Variants in KANK1 observed in about 807,000 individuals in gnomAD.
KANK1 encodes KN motif and ankyrin repeat domain-containing protein 1.
Under a neutral mutation model 106.2 loss-of-function variants are expected in KANK1, and 109 were observed. That is an observed-to-expected ratio of 1.03 (90% confidence interval 0.88 to 1.20). The LOEUF (loss-of-function observed/expected upper bound fraction) is 1.20, where lower values mean the gene tolerates loss of function less well. KANK1 is among the 50% of genes most tolerant of loss of function. The pLI, the probability that KANK1 is intolerant of heterozygous loss-of-function variation, is 0.00. For missense variants in KANK1, 2,399 were observed against 1,710.7 expected (o/e 1.40, Z -7.10); for synonymous variants, 873 against 652.2 (o/e 1.34, Z -5.16).
intron 1 of KANK1, among the ~76,000 whole-genome samples, chr9:516,948 T>C (rs965597693): frequency 1.3e-5 from 2 of 150,988 alleles, no homozygotes; most frequent in African/African-American, 4.9e-5. Context: ...TGGCCCCAGA[T>C]GCCCTGCCAG....
At chr9:651,924 A>G (rs189843671) in intron 1 of KANK1, among the ~76,000 whole-genome samples, 40 of 152,366 alleles carry the variant, frequency 2.6e-4, no homozygotes, top group Middle Eastern at 6.8e-3. Flanking sequence ...ATTAAAATTA[A>G]TAGTATACTG....
At chr9:527,362 C>T (rs558978541) in intron 1 of KANK1, among the ~76,000 whole-genome samples, 19 of 151,802 alleles carry the variant, frequency 1.3e-4, no homozygotes, top group South Asian at 2.1e-4. Flanking sequence ...AGTGCAGTGG[C>T]GCGATCTTGG....
chr9:626,681 T>C (rs528091405), intron 1 of KANK1, among the ~76,000 whole-genome samples: 3 of 152,038 alleles, frequency 2.0e-5, no homozygotes, highest in Non-Finnish European at 4.4e-5. Flanking sequence ...TTGCTGAAAA[T>C]AGAAAAGGAG....
chr9:660,131 G>A (rs1842972644), intron 1 of KANK1: 1 of 391,708 alleles, frequency 2.6e-6, no homozygotes, highest in Admixed American at 2.9e-5. Flanking sequence ...TACTGTCCAA[G>A]GGACTGCTGA....
intron 1 of KANK1, among the ~76,000 whole-genome samples, chr9:529,420 T>C (rs923392066): frequency 4.0e-5 from 6 of 149,926 alleles, no homozygotes; most frequent in Admixed American, 1.3e-4. Flanking sequence ...AGGATGGTGT[T>C]GATCTCTCGA....
At chr9:508,048 G>C (rs537089932) in intron 1 of KANK1, among the ~76,000 whole-genome samples, 5 of 148,422 alleles carry the variant, frequency 3.4e-5, no homozygotes, top group East Asian at 4.0e-4. Flanking sequence ...TCTTGAACTC[G>C]TGACGTCAGG....
intron 1 of KANK1, among the ~76,000 whole-genome samples, chr9:644,303 A>T (rs546981775): frequency 4.6e-5 from 7 of 151,140 alleles, no homozygotes; most frequent in Non-Finnish European, 1.0e-4. Flanking sequence ...TTCAGTCAAG[A>T]TGGTGACTAC....
At chr9:701,095 A>G (rs116399908) in intron 2 of KANK1, among the ~76,000 whole-genome samples, 2,171 of 152,208 alleles carry the variant, frequency 0.014, 53 homozygotes, top group African/African-American at 0.05. Context: ...ATTGGCCCCA[A>G]TAGGAAATGA....
At chr9:606,067 C>T (rs1829030742) in intron 1 of KANK1, among the ~76,000 whole-genome samples, 1 of 150,670 alleles carries the variant, frequency 6.6e-6, no homozygotes, top group African/African-American at 2.5e-5. Context: ...TCATGTCTTC[C>T]CTTCTGAAAA....
intron 1 of KANK1, among the ~76,000 whole-genome samples, chr9:583,563 C>T (rs975768546): frequency 6.6e-6 from 1 of 151,830 alleles, no homozygotes; most frequent in African/African-American, 2.4e-5. Context: ...CCTCAGTATC[C>T]TTATATAAAG....
intron 3 of KANK1, among the ~76,000 whole-genome samples, chr9:728,820 AC>A (rs1831439974): frequency 6.6e-6 from 1 of 152,206 alleles, no homozygotes; most frequent in African/African-American, 2.4e-5. Context: ...AACTTTTTCA[AC>A]CATTTGCCAA....
intron 3 of KANK1, among the ~76,000 whole-genome samples, chr9:717,885 G>A (rs1014659084): frequency 1.3e-5 from 2 of 152,098 alleles, no homozygotes; most frequent in Non-Finnish European, 2.9e-5. Context: ...GAATTTAACT[G>A]CCTGCCCCAT....
Position 711,201 on chromosome 9 carries a change from A to G in KANK1, c.435A>G (p.Pro145=). The G allele has an allele frequency of 6.2e-7, 1 of 1,614,018 alleles. No homozygotes were observed. The highest frequency in any genetic ancestry group is 1.1e-5 in the South Asian group (1 of 91,068). Residue 145 remains proline (P), a synonymous_variant, in exon 3 of 12, where the codon CCA becomes CCG. Transcript: ENST00000382297. ...ATCGACAGCTGCCACCTCCCTCACC[A>G]CAACTCCCAAAGCATAACCTTCATG... is the stretch of plus-strand genomic sequence containing the variant. The part of the protein sequence containing the change: ...PENRQLPPPS[P]QLPKHNLHVT...
chr9:491,009 G>C (rs1004589464), intron 3 of KANK1, among the ~76,000 whole-genome samples: 4 of 145,984 alleles, frequency 2.7e-5, no homozygotes, highest in African/African-American at 1.1e-4. Flanking sequence ...GCCTAGGCTG[G>C]CGTGCAGTGG....
At chr9:535,718 A>T (rs1196483981) in intron 1 of KANK1, among the ~76,000 whole-genome samples, 2 of 152,188 alleles carry the variant, frequency 1.3e-5, no homozygotes, top group Non-Finnish European at 2.9e-5. Context: ...TGGGCTGTAG[A>T]ATCATGGTAT....
intron 6 of KANK1, chr9:734,521 C>G (rs978075405): frequency 5.2e-6 from 2 of 387,692 alleles, no homozygotes; most frequent in African/African-American, 2.0e-5. Context: ...CAAAAATTAG[C>G]TGGGCCTGGT....
intron 1 of KANK1, among the ~76,000 whole-genome samples, chr9:572,231 C>T (rs1490513675): frequency 2.1e-5 from 3 of 145,562 alleles, no homozygotes; most frequent in Non-Finnish European, 4.5e-5. Flanking sequence ...TTGTAGTTCA[C>T]TACAGCCTTA....
intron 1 of KANK1, among the ~76,000 whole-genome samples, chr9:668,531 T>C (rs1845187371): frequency 6.6e-6 from 1 of 152,204 alleles, no homozygotes. Flanking sequence ...GTTTTCTGGT[T>C]GTTTTGTAAC....
At chr9:721,334 A>T (rs758347297) in intron 3 of KANK1, among the ~76,000 whole-genome samples, 206 of 152,194 alleles carry the variant, frequency 1.4e-3, no homozygotes, top group Non-Finnish European at 2.3e-3. Flanking sequence ...AGGCACAAAT[A>T]AATTCTTGGC....
Sources: gnomAD v4.1 joint callset for allele counts (sites outside exome capture counted in the v4.1 genomes callset) on GRCh38, gnomAD v4.1.1 for gene constraint, MANE v1.5 for transcripts, NCBI Gene and HGNC (gene_info 2026-07-23, HGNC 2026-07-21) for gene names.